Variants in ANKFN1 observed in about 807,000 individuals in gnomAD.
ANKFN1 encodes ankyrin repeat and fibronectin type-III domain-containing protein 1.
A neutral mutation model predicts 108.7 loss-of-function variants in ANKFN1; 74 were observed. That is an observed-to-expected ratio of 0.68 (90% CI 0.56 to 0.83). ANKFN1 has a LOEUF of 0.83. Ranked by LOEUF, ANKFN1 falls within the 40% of genes least tolerant of loss-of-function variation. The pLI, the probability that ANKFN1 is intolerant of heterozygous loss-of-function variation, is 0.00. For missense variants in ANKFN1, 1,505 were observed against 1,382.3 expected (o/e 1.09, Z -1.41); for synonymous variants, 547 against 516.2 (o/e 1.06, Z -0.81).
chr17:56,376,278 A>G (rs1006055792), intron 8 of ANKFN1, among the ~76,000 whole-genome samples: 10 of 152,158 alleles, frequency 6.6e-5, no homozygotes, highest in African/African-American at 1.9e-4. Flanking sequence ...AGATAACGCC[A>G]CTGTGTTTGT....
At chr17:56,399,871 G>A (rs1291871587) in intron 8 of ANKFN1, among the ~76,000 whole-genome samples, 5 of 130,944 alleles carry the variant, frequency 3.8e-5, no homozygotes, top group Admixed American at 1.6e-4. Flanking sequence ...ATATATATAT[G>A]TATCATTCCT....
chr17:56,511,172 G>A lies in ANKFN1; in HGVS notation c.3344G>A (p.Gly1115Glu), dbSNP rs1298356977. ...TGGGCAAGCTTGAGCCCGCCCTCTG[G>A]AGGCCGCATCACCCTGCCCAGCCCC... ...KPWASLSPPSGGRITLPSPTG... is the reference protein window; with the variant it reads ...KPWASLSPPSEGRITLPSPTG... The change falls in exon 21 of 21, where the codon GGA becomes GAA. Residue 1115 changes from glycine (G) to glutamate (E), a missense_variant. Coordinates refer to ENST00000682825, the MANE Select transcript of ANKFN1 (RefSeq NM_001370326.1). The A allele has an allele frequency of 6.5e-7, 1 of 1,536,074 alleles. No individual in the cohort carries two copies. Among genetic ancestry groups the A allele is most frequent in the Non-Finnish European group, 8.7e-7 (1 of 1,146,878 alleles).
At chr17:56,302,447 T>C (rs2044698039) in intron 3 of ANKFN1, among the ~76,000 whole-genome samples, 1 of 140,626 alleles carries the variant, frequency 7.1e-6, no homozygotes, top group Non-Finnish European at 1.5e-5. Context: ...CCCAGGAGTT[T>C]AAAGCTGCAG....
At chr17:56,428,799 C>T (rs1598593355) in intron 8 of ANKFN1, among the ~76,000 whole-genome samples, 1 of 151,794 alleles carries the variant, frequency 6.6e-6, no homozygotes, top group East Asian at 1.9e-4. Context: ...AACCAGCAGA[C>T]TGTAGATGAG....
At position 56,514,624 on chromosome 17, in the gene ANKFN1, T is replaced by C. The variant is rs2043799208; in HGVS notation, c.*3355T>C. Among the ~76,000 whole-genome samples, 1 of 152,220 alleles carries C rather than the reference T, an allele frequency of 6.6e-6. No individual in the cohort carries two copies. The highest frequency in any genetic ancestry group is 2.1e-4 in the South Asian group (1 of 4,828). ...ATTTTAAGAAGTAGGTACTTAAAGA[T>C]GAGAGCCATTCCCTTTAAAGAACAT... On this transcript the variant is annotated 3_prime_UTR_variant, in exon 21 of 21. Coordinates refer to ENST00000682825, the MANE Select transcript of ANKFN1 (RefSeq NM_001370326.1).
At chr17:56,223,667 T>G (rs1363908526) in intron 2 of ANKFN1, among the ~76,000 whole-genome samples, 1 of 152,218 alleles carries the variant, frequency 6.6e-6, no homozygotes, top group African/African-American at 2.4e-5. Context: ...TGATATCACT[T>G]TTTAAAGTTG....
intron 1 of ANKFN1, among the ~76,000 whole-genome samples, chr17:56,199,045 A>T (rs1913794597): frequency 6.6e-6 from 1 of 152,224 alleles, no homozygotes; most frequent in Non-Finnish European, 1.5e-5. Flanking sequence ...ACTAAAAAAT[A>T]AATTTTGAGA....
At chr17:56,394,979 T>TAATC (rs1392959993) in intron 8 of ANKFN1, among the ~76,000 whole-genome samples, 2 of 152,158 alleles carry the variant, frequency 1.3e-5, no homozygotes, top group Non-Finnish European at 2.9e-5. Flanking sequence ...GAAACAAAAA[T>TAATC]AATCACCCTC....
Position 56,119,313 on chromosome 17 carries a change from A to G in ANKFN1, c.288+72988A>G, listed in dbSNP as rs753897355. Reference sequence around the variant, plus strand: ...AAACAAGAGCTTGTAATGCTCCTGAAGTCAGAAGAAAAGTGTATTTCCTGG... The same window carrying G: ...AAACAAGAGCTTGTAATGCTCCTGAGGTCAGAAGAAAAGTGTATTTCCTGG... On this transcript the variant is annotated intron_variant, in intron 4 of 12. Transcript: ENST00000635860. Among the ~76,000 whole-genome samples the G allele has an allele frequency of 3.3e-5, 5 of 152,152 alleles. No homozygotes were observed. The South Asian group carries it at 8.3e-4, about 25-fold the overall frequency.
chr17:56,172,933 C>G (rs937650761), intron 1 of ANKFN1, among the ~76,000 whole-genome samples: 1 of 152,196 alleles, frequency 6.6e-6, no homozygotes, highest in Non-Finnish European at 1.5e-5. Context: ...ACACTTAGCT[C>G]TTAGCAAACG....
At chr17:56,316,430 G>A (rs534990824) in intron 3 of ANKFN1, among the ~76,000 whole-genome samples, 3 of 152,084 alleles carry the variant, frequency 2.0e-5, no homozygotes, top group African/African-American at 7.2e-5. Flanking sequence ...AGGAGACTGG[G>A]TCATAAGCCA....
At position 56,457,905 on chromosome 17, in the gene ANKFN1, A is replaced by C. The variant is rs112824543; in HGVS notation, c.1483A>C (p.Ile495Leu). Residue 495 changes from isoleucine (I) to leucine (L), a missense_variant, in exon 14 of 21, where the codon ATA becomes CTA. Physicochemically the swap from Ile to Leu is conservative, Grantham distance 5. Transcript: ENST00000682825. ...AGATATAAGGTGGCTGAGGCAAAGC[A>C]TACCAATATCCTCATCCTCATCCAC... ...WEDIRWLRQS[I>L]PISSSSSTVL... The C allele has an allele frequency of 1.2e-6, 2 of 1,614,062 alleles. No homozygotes were observed. The highest frequency in any genetic ancestry group is 3.3e-5 in the Admixed American group (2 of 60,030).
rs1406604305 is a variant in ANKFN1 at position 56,512,836 on chromosome 17, C to G, written c.*1567C>G. Among the ~76,000 whole-genome samples, 2 of 152,152 alleles carry G rather than the reference C, an allele frequency of 1.3e-5. No individual in the cohort carries two copies. Among genetic ancestry groups the G allele is most frequent in the African/African-American group, 4.8e-5 (2 of 41,402 alleles). ...CAAAGGTACAGATTTGGCCCATGGC[C>G]TATGGTCATTAGAAAACTAAAGCCC... On this transcript the variant is annotated 3_prime_UTR_variant, in exon 21 of 21. Transcript: ENST00000682825.
chr17:56,192,220 C>G (rs1691519537), intron 1 of ANKFN1, among the ~76,000 whole-genome samples: 1 of 149,278 alleles, frequency 6.7e-6, no homozygotes, highest in African/African-American at 2.5e-5. Context: ...GAAACTGGAT[C>G]CCTTCCTTAC....
At chr17:56,459,335 T>C (rs1463522585) in intron 14 of ANKFN1, among the ~76,000 whole-genome samples, 1 of 152,162 alleles carries the variant, frequency 6.6e-6, no homozygotes, top group Non-Finnish European at 1.5e-5. Flanking sequence ...GGTCTCGAAC[T>C]CCTGACCTCA....
intron 3 of ANKFN1, among the ~76,000 whole-genome samples, chr17:56,296,423 C>T (rs1024346448): frequency 1.3e-5 from 2 of 152,054 alleles, no homozygotes; most frequent in African/African-American, 4.8e-5. Flanking sequence ...GTGGCTCACA[C>T]CTATAATTCT....
At chr17:56,389,305 G>A (rs2047364628) in intron 8 of ANKFN1, among the ~76,000 whole-genome samples, 1 of 152,164 alleles carries the variant, frequency 6.6e-6, no homozygotes, top group Admixed American at 6.5e-5. Flanking sequence ...GGCAATCCCA[G>A]AAGTCTAAAT....
chr17:56,233,174 T>G (rs1334158266), intron 3 of ANKFN1, among the ~76,000 whole-genome samples: 2 of 152,232 alleles, frequency 1.3e-5, no homozygotes, highest in East Asian at 3.9e-4. Context: ...GCTTTTGTTA[T>G]TATTTTCAAT....
intron 8 of ANKFN1, among the ~76,000 whole-genome samples, chr17:56,398,671 T>C (rs1220822528): frequency 6.6e-6 from 1 of 152,146 alleles, no homozygotes; most frequent in Non-Finnish European, 1.5e-5. Flanking sequence ...CCAGAGATTA[T>C]ATGAGATGCC....
Sources: allele counts gnomAD v4.1 joint callset (sites outside exome capture counted in the v4.1 genomes callset), GRCh38; gene constraint gnomAD v4.1.1; transcripts MANE v1.5; gene names NCBI Gene and HGNC (gene_info 2026-07-23, HGNC 2026-07-21).